Variants in PLXNA4 observed in about 807,000 individuals in gnomAD.
PLXNA4 encodes plexin A4.
PLXNA4 carries 44 observed loss-of-function variants against 191.8 expected under a neutral mutation model. The observed-to-expected ratio is 0.23, with a 90% CI of 0.18 to 0.29. The LOEUF (loss-of-function observed/expected upper bound fraction) is 0.29, where lower values mean the gene tolerates loss of function less well. Ranked by LOEUF, PLXNA4 falls within the 10% of genes least tolerant of loss-of-function variation. The pLI, the probability that PLXNA4 is intolerant of heterozygous loss-of-function variation, is 1.00. For synonymous variants in PLXNA4, 1,082 were observed against 1,009.5 expected (o/e 1.07, Z -1.36); for missense variants, 1,800 against 2,488.8 (o/e 0.72, Z 5.89).
intron 2 of PLXNA4, among the ~76,000 whole-genome samples, chr7:132,623,864 G>C (rs1169438447): frequency 6.6e-6 from 1 of 152,156 alleles, no homozygotes; most frequent in Admixed American, 6.5e-5. Flanking sequence ...GGACCATAAA[G>C]CCAAGCTGCT....
intron 3 of PLXNA4, among the ~76,000 whole-genome samples, chr7:132,450,624 T>G (rs990453526): frequency 1.3e-5 from 2 of 152,222 alleles, no homozygotes; most frequent in African/African-American, 2.4e-5. Flanking sequence ...GCCAGGACCC[T>G]GCCCTCAACT....
At position 132,143,762 on chromosome 7, in the gene PLXNA4, T is replaced by C. The variant is rs145233040; in HGVS notation, c.5225+1357A>G. On this transcript the variant is annotated intron_variant, in intron 29 of 31. Transcript: ENST00000321063. ...ACAGCTTTAAAAGGAGGAAATCGCA[T>C]CACAAAGTTTTGCTACACTGAGTGA... is the stretch of plus-strand genomic sequence containing the variant. Among the ~76,000 whole-genome samples the C allele has an allele frequency of 2.3e-3, 356 of 152,294 alleles. 1 individual carries two copies. The highest frequency in any genetic ancestry group is 3.3e-3 in the Non-Finnish European group (224 of 68,022).
chr7:132,429,004 T>C (rs1795160033), intron 3 of PLXNA4, among the ~76,000 whole-genome samples: 1 of 152,036 alleles, frequency 6.6e-6, no homozygotes. Flanking sequence ...TATGTCTGCC[T>C]GCTGGTCAGC....
rs566708033 is a variant in PLXNA4, at chr7:132,163,123, A to T, written c.4500+1019T>A. The stretch of plus-strand genomic sequence containing the variant: ...ATATCACCCCCAACACTCAGCTTTT[A>T]TCTTTTCATACTCCCTCCTTCCAAG... On this transcript the variant is annotated intron_variant, in intron 24 of 31. Coordinates refer to ENST00000321063, the MANE Select transcript of PLXNA4 (RefSeq NM_020911.2). 1.2e-3 allele frequency among the ~76,000 whole-genome samples: 188 copies of T among 152,200 alleles called. 4 individuals are homozygous for T. In the South Asian group the frequency reaches 0.029, roughly 23 times the overall value.
At chr7:132,316,064 A>G (rs1459347971) in intron 3 of PLXNA4, among the ~76,000 whole-genome samples, 1 of 152,212 alleles carries the variant, frequency 6.6e-6, no homozygotes, top group East Asian at 1.9e-4. Flanking sequence ...ACTGGAGATA[A>G]TAAGCAAAGC....
At chr7:132,465,051 T>C (rs1563114600) in intron 3 of PLXNA4, among the ~76,000 whole-genome samples, 1 of 151,982 alleles carries the variant, frequency 6.6e-6, no homozygotes. Context: ...ATGGGGAGGG[T>C]GAATGATGAG....
chr7:132,478,920 C>A lies in PLXNA4; in HGVS notation c.1371+10372G>T, dbSNP rs377727923. ...TCTTTCCTTCCAACCTCCTTGCCACCAAAGCCTCAGAAGCCTTCTCCAGCA... is the reference window on the plus strand; with the variant it reads ...TCTTTCCTTCCAACCTCCTTGCCACAAAAGCCTCAGAAGCCTTCTCCAGCA... On this transcript the variant is annotated intron_variant, in intron 3 of 31. Coordinates refer to ENST00000321063, the MANE Select transcript of PLXNA4 (RefSeq NM_020911.2). 3.3e-5 allele frequency among the ~76,000 whole-genome samples: 5 copies of A among 152,086 alleles called. No homozygotes were observed. In the East Asian group the frequency reaches 7.7e-4, roughly 23 times the overall value.
intron 5 of PLXNA4, among the ~76,000 whole-genome samples, chr7:132,238,981 C>T (rs968501764): frequency 6.6e-6 from 1 of 152,230 alleles, no homozygotes; most frequent in African/African-American, 2.4e-5. Context: ...CAGGCATCAC[C>T]ATGTCCAATT....
intron 3 of PLXNA4, chr7:132,384,859 A>G: frequency 8.5e-7 from 1 of 1,175,530 alleles, no homozygotes; most frequent in Non-Finnish European, 1.1e-6. Flanking sequence ...TATCAGGCCC[A>G]AGAGATAACT....
chr7:132,636,270 A>T (rs572866321), intron 2 of PLXNA4, among the ~76,000 whole-genome samples: 4 of 152,342 alleles, frequency 2.6e-5, no homozygotes, highest in African/African-American at 9.6e-5. Context: ...GCAGGGGCCT[A>T]GGAATTGGGG....
chr7:132,566,884 C>T, intron 1 of PLXNA4, among the ~76,000 whole-genome samples: 1 of 152,208 alleles, frequency 6.6e-6, no homozygotes, highest in Non-Finnish European at 1.5e-5. Context: ...GGCGGTGCCT[C>T]TGAAAGTTGG....
intron 3 of PLXNA4, among the ~76,000 whole-genome samples, chr7:132,312,251 T>C (rs1248692953): frequency 1.3e-5 from 2 of 152,136 alleles, no homozygotes; most frequent in African/African-American, 4.8e-5. Flanking sequence ...AAATAAGATA[T>C]TGGAAAACCA....
intron 28 of PLXNA4, among the ~76,000 whole-genome samples, chr7:132,146,097 A>G (rs1046110378): frequency 4.0e-5 from 6 of 150,650 alleles, no homozygotes; most frequent in Admixed American, 3.3e-4. Flanking sequence ...AAAAAAAAAA[A>G]AAAAAAGAAA....
intron 15 of PLXNA4, among the ~76,000 whole-genome samples, chr7:132,186,669 T>C (rs1796888148): frequency 6.6e-6 from 1 of 152,130 alleles, no homozygotes; most frequent in Non-Finnish European, 1.5e-5. Flanking sequence ...ATAGAAAAAT[T>C]ATCACAGTGC....
At chr7:132,158,078 G>A (rs1307330554) in intron 25 of PLXNA4, among the ~76,000 whole-genome samples, 1 of 152,224 alleles carries the variant, frequency 6.6e-6, no homozygotes, top group Non-Finnish European at 1.5e-5. Context: ...CCACAGTGGA[G>A]GGAGACACAT....
chr7:132,293,883 C>A (rs1800980993), intron 4 of PLXNA4, among the ~76,000 whole-genome samples: 2 of 152,166 alleles, frequency 1.3e-5, no homozygotes, highest in African/African-American at 4.8e-5. Flanking sequence ...GCAACCAGAG[C>A]ACCAAAATTG....
chr7:132,166,972 A>G (rs1294143505), intron 22 of PLXNA4, among the ~76,000 whole-genome samples: 2 of 152,160 alleles, frequency 1.3e-5, no homozygotes, highest in African/African-American at 4.8e-5. Context: ...AGCCAAATCT[A>G]TCTGCTGGAC....
intron 3 of PLXNA4, among the ~76,000 whole-genome samples, chr7:132,398,042 T>A (rs556347980): frequency 3.3e-5 from 5 of 152,200 alleles, no homozygotes; most frequent in Admixed American, 6.5e-5. Context: ...CCAAGTCCCA[T>A]GCCTGGAGCA....
chr7:132,411,014 G>C (rs755843279), intron 3 of PLXNA4, among the ~76,000 whole-genome samples: 9 of 152,196 alleles, frequency 5.9e-5, no homozygotes, highest in Non-Finnish European at 1.3e-4. Context: ...GTTTGCCCAT[G>C]ACATGATCCG....
Sources: gnomAD v4.1 joint callset for allele counts (sites outside exome capture counted in the v4.1 genomes callset) on GRCh38, gnomAD v4.1.1 for gene constraint, MANE v1.5 for transcripts, NCBI Gene and HGNC (gene_info 2026-07-23, HGNC 2026-07-21) for gene names.